Variants in CEP112 observed in about 807,000 individuals in gnomAD.
CEP112 encodes centrosomal protein 112.
A neutral mutation model predicts 153.0 loss-of-function variants in CEP112; 127 were observed. That is an observed-to-expected ratio of 0.83 (90% CI 0.72 to 0.96). The LOEUF (loss-of-function observed/expected upper bound fraction) is 0.96, where lower values mean the gene tolerates loss of function less well. Among genes scored for constraint, CEP112 ranks in the 40% least tolerant of loss-of-function variants. The pLI is 0.00. For missense variants in CEP112, 1,089 were observed against 1,101.2 expected (o/e 0.99, Z 0.16); for synonymous variants, 358 against 374.4 (o/e 0.96, Z 0.51).
At chr17:65,837,084 C>T (rs1004258517) in intron 21 of CEP112, among the ~76,000 whole-genome samples, 5 of 151,940 alleles carry the variant, frequency 3.3e-5, no homozygotes, top group Non-Finnish European at 7.4e-5. Context: ...GGATTGCAGA[C>T]GGAGTCTCGC....
intron 16 of CEP112, among the ~76,000 whole-genome samples, chr17:66,025,117 C>G (rs1052552330): frequency 6.6e-6 from 1 of 151,978 alleles, no homozygotes; most frequent in South Asian, 2.1e-4. Flanking sequence ...CCCTCTCTCA[C>G]CATATATAAA....
chr17:66,135,513 T>A (rs1310323759), intron 4 of CEP112, among the ~76,000 whole-genome samples: 3 of 152,208 alleles, frequency 2.0e-5, no homozygotes, highest in Middle Eastern at 3.4e-3. Flanking sequence ...AACCTACAAT[T>A]GGTACAGGGG....
chr17:65,743,044 T>C, intron 23 of CEP112, 24 bp downstream of exon 23: 2 of 1,579,116 alleles, frequency 1.3e-6, no homozygotes, highest in East Asian at 4.5e-5. Flanking sequence ...CTGGTACCAC[T>C]GGTTACTGAA....
Position 65,955,976 on chromosome 17 carries a change from A to G in CEP112, c.1872+5487T>C, listed in dbSNP as rs190343158. Among the ~76,000 whole-genome samples, 355 of 152,316 alleles carry G rather than the reference A, an allele frequency of 2.3e-3. 1 individual carries two copies. The highest frequency in any genetic ancestry group is 8.2e-3 in the African/African-American group (339 of 41,568). ...GAAAGTCAACAAGAACAATGAACTT[A>G]AACTATACCCTACAACAAATGGACT... On this transcript the variant is annotated intron_variant, in intron 18 of 26. Coordinates refer to ENST00000535342, the MANE Select transcript of CEP112 (RefSeq NM_001199165.4).
chr17:65,847,104 C>A (rs112404187), intron 21 of CEP112, among the ~76,000 whole-genome samples: 3 of 152,168 alleles, frequency 2.0e-5, no homozygotes, highest in Non-Finnish European at 2.9e-5. Context: ...CCGAACTCAT[C>A]GCACTCAACA....
At chr17:65,986,275 A>C (rs766085515) in intron 17 of CEP112, among the ~76,000 whole-genome samples, 2 of 152,196 alleles carry the variant, frequency 1.3e-5, no homozygotes, top group Non-Finnish European at 2.9e-5. Context: ...AGTACATGGA[A>C]ATAGACTAAT....
At chr17:66,117,381 C>A (rs1222385427) in intron 6 of CEP112, among the ~76,000 whole-genome samples, 1 of 151,882 alleles carries the variant, frequency 6.6e-6, no homozygotes, top group Non-Finnish European at 1.5e-5. Context: ...TAATTTCTTT[C>A]TTTTTCCTTA....
At chr17:65,912,939 G>A (rs759130126) in intron 19 of CEP112, among the ~76,000 whole-genome samples, 1 of 152,086 alleles carries the variant, frequency 6.6e-6, no homozygotes, top group African/African-American at 2.4e-5. Flanking sequence ...AAGTAATTGT[G>A]GAAGTAATTG....
intron 23 of CEP112, among the ~76,000 whole-genome samples, chr17:65,726,125 G>A (rs2050166259): frequency 6.6e-6 from 1 of 152,108 alleles, no homozygotes; most frequent in Admixed American, 6.6e-5. Flanking sequence ...TGGATCACAA[G>A]TTCAGGAGTT....
intron 23 of CEP112, among the ~76,000 whole-genome samples, chr17:65,706,758 A>G (rs1270795362): frequency 6.6e-6 from 1 of 152,152 alleles, no homozygotes; most frequent in Non-Finnish European, 1.5e-5. Flanking sequence ...CGGCCTTCCA[A>G]ATATTTCTCC....
intron 12 of CEP112, among the ~76,000 whole-genome samples, chr17:66,031,130 T>C (rs918838821): frequency 6.6e-6 from 1 of 152,218 alleles, no homozygotes; most frequent in Non-Finnish European, 1.5e-5. Flanking sequence ...CTGCATCTTA[T>C]TCACTTTGTC....
chr17:65,685,711 C>T (rs1328320308), intron 24 of CEP112, among the ~76,000 whole-genome samples: 2 of 118,688 alleles, frequency 1.7e-5, no homozygotes, highest in East Asian at 2.5e-4. Flanking sequence ...CTTGCTCTGT[C>T]GCCCAGGCTG....
intron 9 of CEP112, among the ~76,000 whole-genome samples, chr17:66,068,895 G>A (rs556209227): frequency 1.3e-5 from 2 of 151,770 alleles, no homozygotes; most frequent in African/African-American, 4.8e-5. Flanking sequence ...ACTTATGATA[G>A]AGAACTATTA....
intron 21 of CEP112, among the ~76,000 whole-genome samples, chr17:65,835,548 C>T (rs1363695963): frequency 6.6e-6 from 1 of 152,140 alleles, no homozygotes; most frequent in Non-Finnish European, 1.5e-5. Flanking sequence ...GAGTAGGATG[C>T]TATATTCCAA....
intron 24 of CEP112, chr17:65,644,638 T>C (rs2045338292): frequency 6.4e-6 from 1 of 156,288 alleles, no homozygotes; most frequent in South Asian, 2.0e-4. Context: ...TTATAAAGTA[T>C]ATTCACAGTA....
At chr17:65,863,403 A>C (rs2873820) in intron 20 of CEP112, among the ~76,000 whole-genome samples, 130,954 of 152,062 alleles carry the variant, frequency 0.86, 56,626 homozygotes, top group East Asian at 0.95. Context: ...AAATACTAAT[A>C]AGCTCTGTTT....
chr17:66,132,168 C>CAAAAAAAAAAAAAAAAAAAAAAA (rs56221578), intron 5 of CEP112, among the ~76,000 whole-genome samples: 2 of 39,884 alleles, frequency 5.0e-5, no homozygotes, highest in African/African-American at 2.8e-4. Context: ...GACTCCATCT[C>CAAAAAAAAAAAAAAAAAAAAAAA]AAAAAAAAAA....
At chr17:65,945,605 TTA>T (rs1224035037) in intron 18 of CEP112, among the ~76,000 whole-genome samples, 1 of 152,164 alleles carries the variant, frequency 6.6e-6, no homozygotes, top group Non-Finnish European at 1.5e-5. Flanking sequence ...CATTGTGGTT[TTA>T]TTTTTGCATT....
In CEP112 at chr17:65,720,565, G is replaced by A. The variant is rs145702781; in HGVS notation, c.2607+22503C>T. Among the ~76,000 whole-genome samples, 1,431 of 152,294 alleles carry A rather than the reference G, an allele frequency of 9.4e-3. 7 individuals are homozygous for A. The highest frequency in any genetic ancestry group is 0.015 in the Non-Finnish European group (1,035 of 68,016). ...GGCAGCAAGGATGTCACTGGCAACC[G>A]GAAGAGCAGTTTCTGTGGATTGATG... On this transcript the variant is annotated intron_variant, in intron 23 of 26. Coordinates refer to ENST00000535342, the MANE Select transcript of CEP112 (RefSeq NM_001199165.4).
Sources: allele counts gnomAD v4.1 joint callset (sites outside exome capture counted in the v4.1 genomes callset), GRCh38; gene constraint gnomAD v4.1.1; transcripts MANE v1.5; gene names NCBI Gene and HGNC (gene_info 2026-07-23, HGNC 2026-07-21).